LHFPL3: variants seen among roughly 807,000 people sequenced by gnomAD.
The protein encoded by LHFPL3 is LHFPL tetraspan subfamily member 3 protein.
In LHFPL3, 5 loss-of-function variants were observed where a neutral mutation model predicts 19.3. That is an observed-to-expected ratio of 0.26 (90% CI 0.14 to 0.54). The LOEUF (loss-of-function observed/expected upper bound fraction) is 0.54. LHFPL3 is among the 20% of genes least tolerant of loss of function. LHFPL3 has a pLI of 0.94. For synonymous variants in LHFPL3, 133 were observed against 126.2 expected (o/e 1.05, Z -0.36); for missense variants, 249 against 307.4 (o/e 0.81, Z 1.42).
intron 1 of LHFPL3, among the ~76,000 whole-genome samples, chr7:104,351,447 G>A (rs1253835225): frequency 6.6e-6 from 1 of 152,132 alleles, no homozygotes; most frequent in Non-Finnish European, 1.5e-5. Context: ...GGGATTGCAG[G>A]ATCATATTGT....
intron 1 of LHFPL3, among the ~76,000 whole-genome samples, chr7:104,546,467 G>T (rs1234712342): frequency 1.3e-5 from 2 of 152,132 alleles, no homozygotes; most frequent in South Asian, 2.1e-4. Flanking sequence ...ATGTAACTTT[G>T]TGGAGGGAAA....
chr7:104,554,400 A>G (rs931384158), intron 1 of LHFPL3, among the ~76,000 whole-genome samples: 3 of 152,148 alleles, frequency 2.0e-5, no homozygotes, highest in Non-Finnish European at 4.4e-5. Context: ...CCAGCCAACA[A>G]TCTGATTGGA....
chr7:104,843,911 G>C (rs1791261790), intron 2 of LHFPL3, among the ~76,000 whole-genome samples: 1 of 152,158 alleles, frequency 6.6e-6, no homozygotes, highest in South Asian at 2.1e-4. Context: ...CCATCTACAT[G>C]AGCAAATGCA....
chr7:104,600,907 G>A (rs554133637), intron 1 of LHFPL3, among the ~76,000 whole-genome samples: 13 of 152,306 alleles, frequency 8.5e-5, no homozygotes, highest in African/African-American at 3.1e-4. Context: ...GCACTGTGCT[G>A]AGTGTGTTCA....
chr7:104,525,281 G>A (rs1794164772), intron 1 of LHFPL3, among the ~76,000 whole-genome samples: 2 of 152,156 alleles, frequency 1.3e-5, no homozygotes. Flanking sequence ...CTTATAACGT[G>A]ACATAATGGC....
intron 2 of LHFPL3, among the ~76,000 whole-genome samples, chr7:104,824,371 T>G (rs1165583871): frequency 5.1e-5 from 1 of 19,754 alleles, no homozygotes; most frequent in East Asian, 2.7e-3. Flanking sequence ...TTATATATAT[T>G]TTATATATAA....
At chr7:104,897,208 G>A (rs1195778750) in intron 2 of LHFPL3, among the ~76,000 whole-genome samples, 1 of 152,090 alleles carries the variant, frequency 6.6e-6, no homozygotes, top group Non-Finnish European at 1.5e-5. Context: ...GTCATTTGTG[G>A]CTAACCAGTG....
chr7:104,758,635 G>A (rs1794324068), intron 2 of LHFPL3, among the ~76,000 whole-genome samples: 1 of 152,122 alleles, frequency 6.6e-6, no homozygotes, highest in African/African-American at 2.4e-5. Flanking sequence ...GTGAAAGAAT[G>A]ATATTACTCA....
At chr7:104,533,390 C>T (rs1794338745) in intron 1 of LHFPL3, among the ~76,000 whole-genome samples, 1 of 152,150 alleles carries the variant, frequency 6.6e-6, no homozygotes, top group Non-Finnish European at 1.5e-5. Context: ...GTCTTCTGTT[C>T]CCCTCCCAGG....
chr7:104,435,758 T>C (rs1792092387), intron 1 of LHFPL3, among the ~76,000 whole-genome samples: 2 of 152,092 alleles, frequency 1.3e-5, no homozygotes, highest in Non-Finnish European at 2.9e-5. Context: ...CCTGTCTAAG[T>C]GTACATTTCC....
chr7:104,660,567 A>C (rs1792207778), intron 1 of LHFPL3, among the ~76,000 whole-genome samples: 1 of 152,202 alleles, frequency 6.6e-6, no homozygotes, highest in Non-Finnish European at 1.5e-5. Flanking sequence ...TGGGTGTCAG[A>C]GAGAGTTAGA....
intron 1 of LHFPL3, among the ~76,000 whole-genome samples, chr7:104,350,901 G>A (rs1244531940): frequency 6.6e-6 from 1 of 152,066 alleles, no homozygotes; most frequent in Non-Finnish European, 1.5e-5. Flanking sequence ...TTAGCTGAGA[G>A]TGGTGGCTTA....
chr7:104,571,505 C>A (rs1303113266), intron 1 of LHFPL3, among the ~76,000 whole-genome samples: 1 of 152,166 alleles, frequency 6.6e-6, no homozygotes. Flanking sequence ...GCCATCTCAT[C>A]CTTGAAGTTC....
chr7:104,376,390 A>G (rs1192497020), intron 1 of LHFPL3, among the ~76,000 whole-genome samples: 12 of 152,238 alleles, frequency 7.9e-5, no homozygotes, highest in Non-Finnish European at 1.8e-4. Flanking sequence ...AAGTTGTTAT[A>G]TAGGATGTTT....
chr7:104,354,259 G>A (rs1257314723), intron 1 of LHFPL3, among the ~76,000 whole-genome samples: 2 of 152,172 alleles, frequency 1.3e-5, no homozygotes, highest in African/African-American at 2.4e-5. Context: ...CCAGAGTTGC[G>A]TCCACCACAT....
intron 1 of LHFPL3, among the ~76,000 whole-genome samples, chr7:104,508,645 T>C (rs1793749064): frequency 2.0e-5 from 3 of 151,216 alleles, no homozygotes; most frequent in Admixed American, 6.6e-5. Flanking sequence ...TTAGGAAAAT[T>C]TATGCATACA....
At chr7:104,424,125 G>C (rs936363293) in intron 1 of LHFPL3, among the ~76,000 whole-genome samples, 1 of 152,142 alleles carries the variant, frequency 6.6e-6, no homozygotes, top group Admixed American at 6.5e-5. Flanking sequence ...AAAAAAAAGG[G>C]ACTGTGTTTT....
intron 2 of LHFPL3, among the ~76,000 whole-genome samples, chr7:104,832,066 G>A (rs1790962901): frequency 1.3e-5 from 2 of 151,970 alleles, no homozygotes. Flanking sequence ...CCTGTCCCAA[G>A]CTGGAAGAGT....
At chr7:104,824,358 TAA>T (rs1790760875) in intron 2 of LHFPL3, among the ~76,000 whole-genome samples, 1 of 27,966 alleles carries the variant, frequency 3.6e-5, no homozygotes, top group Non-Finnish European at 5.9e-5. Flanking sequence ...AGATAATATA[TAA>T]TTATATATAT....
Sources: gnomAD v4.1 joint callset for allele counts (sites outside exome capture counted in the v4.1 genomes callset) on GRCh38, gnomAD v4.1.1 for gene constraint, MANE v1.5 for transcripts, NCBI Gene and HGNC (gene_info 2026-07-23, HGNC 2026-07-21) for gene names.